Variants in ZNF354B observed in about 807,000 individuals in gnomAD.
ZNF354B encodes zinc finger protein 354B.
In ZNF354B, 10 loss-of-function variants were observed where a neutral mutation model predicts 12.9. The ratio of observed to expected loss-of-function variants is 0.77; its 90% CI spans 0.48 to 1.31. ZNF354B has a LOEUF of 1.31. Ranked by LOEUF, ZNF354B falls within the 40% of genes most tolerant of loss-of-function variation. The pLI, the probability that ZNF354B is intolerant of heterozygous loss-of-function variation, is 0.00. For missense variants in ZNF354B, 614 were observed against 711.7 expected, an observed-to-expected ratio of 0.86 and a Z score of 1.56; for synonymous variants, 260 against 243.7, an observed-to-expected ratio of 1.07 and a Z score of -0.62.
chr5:178,866,300 G>A lies in ZNF354B; in HGVS notation c.90G>A (p.Lys30=), dbSNP rs769423441. ...TCTTTACCTGGGATGAGTGGAGAAA[G>A]CTGGCTCCTTCTCAGAGAAACTTGT... The part of the protein sequence containing the change: ...AVLFTWDEWR[K]LAPSQRNLYR... Residue 30 remains lysine (K), a synonymous_variant, in exon 3 of 5, where the codon AAG becomes AAA. Coordinates refer to ENST00000322434, the MANE Select transcript of ZNF354B (RefSeq NM_058230.3). 6.2e-7 allele frequency: 1 copy of A among 1,614,150 alleles called. No individual in the cohort carries two copies. The highest frequency in any genetic ancestry group is 1.7e-5 in the Admixed American group (1 of 60,020).
intron 4 of ZNF354B, among the ~76,000 whole-genome samples, chr5:178,880,831 A>ATTTTTTTTTTTTT (rs56013359): frequency 1.3e-5 from 1 of 76,146 alleles, no homozygotes; most frequent in Non-Finnish European, 2.3e-5. Flanking sequence ...ACTCATGGTC[A>ATTTTTTTTTTTTT]TTTTTTTTTT....
At position 178,882,699 on chromosome 5, in the gene ZNF354B, C is replaced by CT; in HGVS notation, c.257-4dup. The CT allele has an allele frequency of 2.6e-6, 4 of 1,533,332 alleles. No individual in the cohort carries two copies. Among genetic ancestry groups the CT allele is most frequent in the East Asian group, 2.3e-5 (1 of 43,582 alleles). 95.0% of individuals were successfully genotyped at this position (1,533,332 alleles called of 1,614,324 possible). A position where few individuals can be genotyped will look rare whatever the true frequency, so the allele number is the denominator to read the frequency against. On this transcript the variant is annotated splice_polypyrimidine_tract_variant and intron_variant, in intron 4 of 4. Coordinates refer to ENST00000322434, the MANE Select transcript of ZNF354B (RefSeq NM_058230.3). Reference sequence around the variant, plus strand: ...TCATGGGCTGTTGCTTTCTTTTTTTCTTTTTTCAGGATGTAAGAGCACACC... The same window carrying CT: ...TCATGGGCTGTTGCTTTCTTTTTTTCTTTTTTTCAGGATGTAAGAGCACACC...
chr5:178,861,985 A>G (rs77985640), intron 2 of ZNF354B, among the ~76,000 whole-genome samples: 22,029 of 152,180 alleles, frequency 0.14, 1,896 homozygotes, highest in African/African-American at 0.24. Flanking sequence ...TTGCTGAGTG[A>G]CATTATTGTC....
Position 178,884,312 on chromosome 5 carries a change from T to G in ZNF354B, c.*21T>G. The G allele has an allele frequency of 6.5e-7, 1 of 1,546,390 alleles. No individual in the cohort carries two copies. The highest frequency in any genetic ancestry group is 8.7e-7 in the Non-Finnish European group (1 of 1,151,126). On this transcript the variant is annotated 3_prime_UTR_variant, in exon 5 of 5. Coordinates refer to ENST00000322434, the MANE Select transcript of ZNF354B (RefSeq NM_058230.3). ...TGTGAAAGCCTTAAACCAAAACTCATCAGAGAATACATGCTTGAGAGTGAT... is the reference window on the plus strand; with the variant it reads ...TGTGAAAGCCTTAAACCAAAACTCAGCAGAGAATACATGCTTGAGAGTGAT...
At chr5:178,878,977 G>A (rs1236900702) in intron 4 of ZNF354B, among the ~76,000 whole-genome samples, 4 of 148,972 alleles carry the variant, frequency 2.7e-5, no homozygotes, top group Non-Finnish European at 4.5e-5. Flanking sequence ...CTGGGATTAC[G>A]GGTGTGAGCC....
Position 178,867,041 on chromosome 5 carries a change from G to C in ZNF354B, c.226G>C (p.Glu76Gln). The stretch of plus-strand genomic sequence containing the variant: ...GCAAGGAGAAGATCCCTGGGAGGTG[G>C]AGAAAGACAGTTCTGGTGTCTCCTC... Reference protein sequence around the residue: ...LQQGEDPWEVEKDSSGVSSLG... With the variant: ...LQQGEDPWEVQKDSSGVSSLG... The change falls in exon 4 of 5, where the codon GAG (glutamate) becomes CAG (glutamine). Residue 76 changes from glutamate (E) to glutamine (Q), a missense_variant. By Grantham distance (29) the Glu-to-Gln change is conservative. Coordinates refer to ENST00000322434, the MANE Select transcript of ZNF354B (RefSeq NM_058230.3). 6.2e-7 allele frequency: 1 copy of C among 1,613,740 alleles called. No homozygotes were observed. The highest frequency in any genetic ancestry group is 2.2e-5 in the East Asian group (1 of 44,856).
chr5:178,876,848 C>T (rs1320946492), intron 4 of ZNF354B, among the ~76,000 whole-genome samples: 1 of 151,884 alleles, frequency 6.6e-6, no homozygotes, highest in Non-Finnish European at 1.5e-5. Flanking sequence ...TGTAGCATGC[C>T]ACCATCTGGT....
chr5:178,883,598 T>G lies in ZNF354B; in HGVS notation c.1146T>G (p.Phe382Leu). ...HQRIHTGEKPFKCSECGRAFS... is the reference protein window; with the variant it reads ...HQRIHTGEKPLKCSECGRAFS... The stretch of plus-strand genomic sequence containing the variant: ...GAATTCACACTGGAGAGAAGCCTTT[T>G]AAATGTAGTGAATGTGGGAGAGCCT... The change falls in exon 5 of 5, where the codon TTT becomes TTG. Residue 382 changes from phenylalanine (F) to leucine (L), a missense_variant. Physicochemically the swap from Phe to Leu is conservative, Grantham distance 22. Transcript: ENST00000322434. 1.9e-6 allele frequency: 3 copies of G among 1,613,726 alleles called. No individual in the cohort carries two copies. Among genetic ancestry groups the G allele is most frequent in the Non-Finnish European group, 2.5e-6 (3 of 1,179,660 alleles).
intron 4 of ZNF354B, among the ~76,000 whole-genome samples, chr5:178,878,382 CAAAA>C (rs774828144): frequency 3.1e-5 from 3 of 97,352 alleles, no homozygotes; most frequent in African/African-American, 3.7e-5. Flanking sequence ...GACTCCGTCT[CAAAA>C]AAAAAAAAAA....
chr5:178,866,387 T>TC lies in ZNF354B; in HGVS notation c.160+18dup, dbSNP rs775020568. Reference sequence around the variant, plus strand: ...TCTCACTGGGTAAGGAAATTTCCCCTCTAGAAACAGAATTCAAAAATTGGG... The same window carrying TC: ...TCTCACTGGGTAAGGAAATTTCCCCTCCTAGAAACAGAATTCAAAAATTGGG... On this transcript the variant is annotated intron_variant, in intron 3 of 4. Coordinates refer to ENST00000322434, the MANE Select transcript of ZNF354B (RefSeq NM_058230.3). 2 of 1,601,824 alleles carry TC rather than the reference T, an allele frequency of 1.2e-6. No homozygotes were observed. The highest frequency in any genetic ancestry group is 2.2e-5 in the South Asian group (2 of 89,520).
intron 4 of ZNF354B, among the ~76,000 whole-genome samples, chr5:178,867,425 G>A (rs1757479800): frequency 6.6e-6 from 1 of 152,220 alleles, no homozygotes; most frequent in Non-Finnish European, 1.5e-5. Context: ...TAGAAAGCTA[G>A]GGAAGGGCCG....
At position 178,883,316 on chromosome 5, in the gene ZNF354B, T is replaced by C. The variant is rs372879740; in HGVS notation, c.864T>C (p.His288=). The change falls in exon 5 of 5, where the codon CAT becomes CAC. Residue 288 remains histidine, a synonymous_variant. Coordinates refer to ENST00000322434, the MANE Select transcript of ZNF354B (RefSeq NM_058230.3). The part of the protein sequence containing the change: ...AFSHSASLCK[H]LRTHTVEKCY... ...GCCATAGTGCATCCCTTTGTAAGCATTTAAGGACCCATACTGTGGAGAAAT... is the reference window on the plus strand; with the variant it reads ...GCCATAGTGCATCCCTTTGTAAGCACTTAAGGACCCATACTGTGGAGAAAT... The C allele has an allele frequency of 1.7e-4, 277 of 1,613,908 alleles. No homozygotes were observed. The highest frequency in any genetic ancestry group is 2.2e-4 in the Non-Finnish European group (265 of 1,179,982).
At chr5:178,861,656 C>T (rs183115571) in intron 2 of ZNF354B, among the ~76,000 whole-genome samples, 70 of 122,014 alleles carry the variant, frequency 5.7e-4, no homozygotes, top group Admixed American at 5.4e-3. Context: ...GGTCGCTTGA[C>T]TCGCAGGACA....
chr5:178,868,518 C>T (rs1244732268), intron 4 of ZNF354B, among the ~76,000 whole-genome samples: 1 of 151,766 alleles, frequency 6.6e-6, no homozygotes, highest in Non-Finnish European at 1.5e-5. Flanking sequence ...AAGGTGAACA[C>T]ACTCATTGCA....
chr5:178,871,940 A>G (rs1186011092), intron 4 of ZNF354B, among the ~76,000 whole-genome samples: 1 of 152,164 alleles, frequency 6.6e-6, no homozygotes, highest in Non-Finnish European at 1.5e-5. Context: ...ATAATAGTAG[A>G]TTTATATGCA....
chr5:178,871,446 C>T (rs764578613), intron 4 of ZNF354B, among the ~76,000 whole-genome samples: 6 of 152,240 alleles, frequency 3.9e-5, no homozygotes, highest in Non-Finnish European at 8.8e-5. Flanking sequence ...AGCCCTGCAG[C>T]CCCCACGCCA....
intron 2 of ZNF354B, among the ~76,000 whole-genome samples, chr5:178,864,727 A>G (rs754214825): frequency 4.6e-5 from 7 of 151,926 alleles, no homozygotes; most frequent in Middle Eastern, 3.4e-3. Context: ...GGTTCAAGCA[A>G]TTCTCCTGCC....
chr5:178,880,125 C>G (rs1413962939), intron 4 of ZNF354B, among the ~76,000 whole-genome samples: 2 of 152,026 alleles, frequency 1.3e-5, no homozygotes, highest in Non-Finnish European at 2.9e-5. Flanking sequence ...GACTCCGTCT[C>G]AAAATAAATA....
chr5:178,863,436 T>C (rs1757393908), intron 2 of ZNF354B, among the ~76,000 whole-genome samples: 1 of 152,184 alleles, frequency 6.6e-6, no homozygotes, highest in Non-Finnish European at 1.5e-5. Context: ...ACTAAGTAGC[T>C]ATTGTAACAT....
Sources: gnomAD v4.1 joint callset for allele counts (sites outside exome capture counted in the v4.1 genomes callset) on GRCh38, gnomAD v4.1.1 for gene constraint, MANE v1.5 for transcripts, NCBI Gene and HGNC (gene_info 2026-07-23, HGNC 2026-07-21) for gene names.